Variants in AUTS2 observed in about 807,000 individuals in gnomAD.
The protein encoded by AUTS2 is autism susceptibility gene 2 protein.
Under a neutral mutation model 112.4 loss-of-function variants are expected in AUTS2, and 17 were observed. The observed-to-expected ratio is 0.15, with a 90% confidence interval of 0.10 to 0.23. AUTS2 has a LOEUF of 0.23. Ranked by LOEUF, AUTS2 falls within the 10% of genes least tolerant of loss-of-function variation. The pLI is 1.00. For missense variants in AUTS2, 1,510 were observed against 1,701.6 expected (o/e 0.89, Z 1.98); for synonymous variants, 751 against 702.7 (o/e 1.07, Z -1.09).
chr7:70,208,134 A>T (rs1810672526), intron 4 of AUTS2, among the ~76,000 whole-genome samples: 3 of 152,142 alleles, frequency 2.0e-5, no homozygotes, highest in Non-Finnish European at 4.4e-5. Flanking sequence ...AAATCCTAAC[A>T]TGAAATTTCA....
chr7:70,790,381 C>G lies in AUTS2; in HGVS notation c.3165C>G (p.Leu1055=). The change falls in exon 19 of 19, where the codon CTC becomes CTG. Residue 1055 remains leucine, a synonymous_variant. Coordinates refer to ENST00000342771, the MANE Select transcript of AUTS2 (RefSeq NM_015570.4). The surrounding 1 kb of genome is among the most constrained non-coding windows in gnomAD (Gnocchi z 7.6). ...CCCCCTTCATGGGCATCAGCCCCCT[C>G]CCGGGCGGAGAGCGCTTCCCGTACC... is the stretch of plus-strand genomic sequence containing the variant. ...MMTPFMGISP[L]PGGERFPYPS... 1 of 1,613,894 alleles carries G rather than the reference C, an allele frequency of 6.2e-7. No individual in the cohort carries two copies.
chr7:69,703,846 G>C (rs1038486819), intron 1 of AUTS2, among the ~76,000 whole-genome samples: 11 of 152,214 alleles, frequency 7.2e-5, no homozygotes, highest in African/African-American at 2.4e-4. Flanking sequence ...TTTTTAAAAT[G>C]CATGTATGTA....
At chr7:70,780,595 T>G (rs1791007730) in intron 14 of AUTS2, among the ~76,000 whole-genome samples, 1 of 152,186 alleles carries the variant, frequency 6.6e-6, no homozygotes, top group Admixed American at 6.5e-5. Context: ...AGGCTGCCCT[T>G]CAACTCCTGA....
At chr7:69,960,219 A>G (rs895808943) in intron 2 of AUTS2, among the ~76,000 whole-genome samples, 1 of 152,196 alleles carries the variant, frequency 6.6e-6, no homozygotes, top group African/African-American at 2.4e-5. Flanking sequence ...ATATACAGCT[A>G]TAATTACTAA....
chr7:69,876,093 G>T (rs148434985), intron 1 of AUTS2, among the ~76,000 whole-genome samples: 1 of 151,294 alleles, frequency 6.6e-6, no homozygotes, highest in Non-Finnish European at 1.5e-5. Context: ...GTGGCCAGGT[G>T]TGGTGGCTCA....
At chr7:70,732,487 C>T (rs1787478624) in intron 6 of AUTS2, among the ~76,000 whole-genome samples, 1 of 152,182 alleles carries the variant, frequency 6.6e-6, no homozygotes. Context: ...GGGCCAGGTC[C>T]TTTCCTTCCT....
At chr7:70,060,894 G>A (rs532369319) in intron 2 of AUTS2, among the ~76,000 whole-genome samples, 140 of 152,316 alleles carry the variant, frequency 9.2e-4, no homozygotes, top group Non-Finnish European at 1.8e-3. Flanking sequence ...CTGCATCCAG[G>A]TGGAGCCTGC....
chr7:70,245,171 A>ATATATATATATAT (rs61292882), intron 4 of AUTS2, among the ~76,000 whole-genome samples: 69 of 129,556 alleles, frequency 5.3e-4, no homozygotes, highest in African/African-American at 2.2e-3. Context: ...TATATATATA[A>ATATATATATATAT]AAAATAAAAA....
intron 5 of AUTS2, among the ~76,000 whole-genome samples, chr7:70,574,542 GT>G (rs1304001401): frequency 6.6e-6 from 1 of 152,176 alleles, no homozygotes; most frequent in Non-Finnish European, 1.5e-5. Context: ...TTGAACTCCT[GT>G]TTTGCTCTTA....
At chr7:70,764,297 A>C (rs1055168832) in intron 7 of AUTS2, among the ~76,000 whole-genome samples, 1 of 151,380 alleles carries the variant, frequency 6.6e-6, no homozygotes, top group Non-Finnish European at 1.5e-5. Flanking sequence ...CCTGGGTTTC[A>C]CCTCTTCTTT....
chr7:69,937,574 G>A (rs1320585683), intron 2 of AUTS2, among the ~76,000 whole-genome samples: 1 of 152,154 alleles, frequency 6.6e-6, no homozygotes, highest in Non-Finnish European at 1.5e-5. Flanking sequence ...GGGTGCTTCT[G>A]GAAGTTTGTC....
intron 4 of AUTS2, among the ~76,000 whole-genome samples, chr7:70,396,115 A>T (rs1159535129): frequency 6.6e-6 from 1 of 152,146 alleles, no homozygotes; most frequent in African/African-American, 2.4e-5. Flanking sequence ...GTTTTGATCA[A>T]AGTACCCACT....
chr7:69,779,732 C>T (rs1475735239), intron 1 of AUTS2, among the ~76,000 whole-genome samples: 3 of 147,972 alleles, frequency 2.0e-5, no homozygotes, highest in East Asian at 2.0e-4. Context: ...CCACTGCACT[C>T]CAGCCTGGGT....
At chr7:70,634,470 T>C (rs1805433636) in intron 5 of AUTS2, among the ~76,000 whole-genome samples, 1 of 152,192 alleles carries the variant, frequency 6.6e-6, no homozygotes, top group Non-Finnish European at 1.5e-5. Context: ...TGACCTTGCA[T>C]GCTTGAGGAC....
chr7:70,622,176 C>G (rs1282677738), intron 5 of AUTS2, among the ~76,000 whole-genome samples: 1 of 152,010 alleles, frequency 6.6e-6, no homozygotes, highest in Non-Finnish European at 1.5e-5. Flanking sequence ...GACCAAGTTC[C>G]TCTGGCTATT....
intron 4 of AUTS2, among the ~76,000 whole-genome samples, chr7:70,275,724 G>C (rs1787897900): frequency 6.6e-6 from 1 of 152,112 alleles, no homozygotes; most frequent in Non-Finnish European, 1.5e-5. Flanking sequence ...GTGATAGTGA[G>C]TACTCACAAG....
rs62456808 is a variant in AUTS2 at position 70,658,491 on chromosome 7, A to G, written c.691-40078A>G. Among the ~76,000 whole-genome samples, 807 of 152,346 alleles carry G rather than the reference A, an allele frequency of 5.3e-3. 5 individuals are homozygous for G. The highest frequency in any genetic ancestry group is 0.029 in the South Asian group (138 of 4,830). On this transcript the variant is annotated intron_variant, in intron 5 of 18. Transcript: ENST00000342771. Reference sequence around the variant, plus strand: ...CGGGGCTGATCCGCTTTGAAACCAGAGCCAGCAGCCCCTCTACAACTCCCT... The same window carrying G: ...CGGGGCTGATCCGCTTTGAAACCAGGGCCAGCAGCCCCTCTACAACTCCCT...
At chr7:69,726,936 A>G (rs1255906332) in intron 1 of AUTS2, among the ~76,000 whole-genome samples, 1 of 152,192 alleles carries the variant, frequency 6.6e-6, no homozygotes, top group Non-Finnish European at 1.5e-5. Context: ...AGATATACAT[A>G]ATGTGAGTAC....
At chr7:70,475,340 C>A (rs1013729075) in intron 5 of AUTS2, among the ~76,000 whole-genome samples, 2 of 152,192 alleles carry the variant, frequency 1.3e-5, no homozygotes, top group African/African-American at 4.8e-5. Flanking sequence ...ATAATGAAGT[C>A]TTCCCCAGCC....
Sources: gnomAD v4.1 joint callset for allele counts (sites outside exome capture counted in the v4.1 genomes callset) on GRCh38, gnomAD v4.1.1 for gene constraint, Gnocchi (gnomAD v3.1) non-coding constraint, MANE v1.5 for transcripts, NCBI Gene and HGNC (gene_info 2026-07-23, HGNC 2026-07-21) for gene names.